Variants in MEGF11 observed in about 807,000 individuals in gnomAD.
MEGF11 encodes multiple EGF like domains 11.
MEGF11 carries 126 observed loss-of-function variants against 146.6 expected under a neutral mutation model. That is an observed-to-expected ratio of 0.86 (90% CI 0.74 to 1.00). MEGF11 has a LOEUF of 1.00. Among genes scored for constraint, MEGF11 ranks in the 50% least tolerant of loss-of-function variants. The probability of loss-of-function intolerance (pLI) is 0.00; values close to 1 mark genes in which losing one functional copy is unlikely to be tolerated. For synonymous variants in MEGF11, 532 were observed against 583.4 expected (o/e 0.91, Z 1.27); for missense variants, 1,509 against 1,521.2 (o/e 0.99, Z 0.13).
intron 1 of MEGF11, among the ~76,000 whole-genome samples, chr15:66,244,094 G>C (rs1014423884): frequency 4.6e-5 from 7 of 152,202 alleles, no homozygotes; most frequent in Non-Finnish European, 7.3e-5. Context: ...CAAAGTTGTT[G>C]TAAGACACAG....
At chr15:66,103,923 G>A (rs181271501) in intron 4 of MEGF11, among the ~76,000 whole-genome samples, 9 of 152,336 alleles carry the variant, frequency 5.9e-5, no homozygotes, top group East Asian at 5.8e-4. Context: ...TTTCACAGCC[G>A]CAGCTTTTTC....
chr15:66,003,476 G>GAAT (rs34510503), intron 5 of MEGF11, among the ~76,000 whole-genome samples: 1 of 151,508 alleles, frequency 6.6e-6, no homozygotes, highest in Non-Finnish European at 1.5e-5. Context: ...GTGGGGAGGA[G>GAAT]ATGGCCTAGG....
At chr15:66,064,171 C>A (rs533254601) in intron 5 of MEGF11, among the ~76,000 whole-genome samples, 102 of 152,268 alleles carry the variant, frequency 6.7e-4, no homozygotes, top group African/African-American at 2.4e-3. Context: ...AGTTCGAGAT[C>A]AGATTGGCCA....
chr15:66,097,652 C>G (rs895060707), intron 4 of MEGF11, among the ~76,000 whole-genome samples: 1 of 150,640 alleles, frequency 6.6e-6, no homozygotes, highest in Non-Finnish European at 1.5e-5. Context: ...CTGGCCCCAC[C>G]AAGAAATATG....
intron 1 of MEGF11, among the ~76,000 whole-genome samples, chr15:66,232,279 T>C (rs999798910): frequency 2.0e-5 from 3 of 152,150 alleles, no homozygotes; most frequent in Admixed American, 2.0e-4. Flanking sequence ...CCCAGACCCA[T>C]AGCTTAACCA....
intron 5 of MEGF11, among the ~76,000 whole-genome samples, chr15:66,060,716 G>A (rs1012544081): frequency 2.0e-5 from 3 of 152,206 alleles, no homozygotes; most frequent in Admixed American, 2.0e-4. Flanking sequence ...GAGCTCCTGA[G>A]GAGAGACCAC....
chr15:65,939,525 C>T (rs112974864), intron 10 of MEGF11, among the ~76,000 whole-genome samples: 9,032 of 146,832 alleles, frequency 0.062, 414 homozygotes, highest in Non-Finnish European at 0.093. Context: ...GACAGAGTCT[C>T]GCTCTGTCGC....
At chr15:66,092,812 G>C (rs1223974374) in intron 5 of MEGF11, among the ~76,000 whole-genome samples, 2 of 152,166 alleles carry the variant, frequency 1.3e-5, no homozygotes, top group African/African-American at 2.4e-5. Context: ...CCTCCAATAG[G>C]CTGCCTTCAG....
At chr15:66,178,335 C>T (rs965702193) in intron 1 of MEGF11, among the ~76,000 whole-genome samples, 1 of 152,148 alleles carries the variant, frequency 6.6e-6, no homozygotes, top group Admixed American at 6.5e-5. Flanking sequence ...AGGAACCAAA[C>T]AGGCCAGAGA....
chr15:66,026,217 CT>C (rs2083326524), intron 5 of MEGF11, among the ~76,000 whole-genome samples: 2 of 152,306 alleles, frequency 1.3e-5, no homozygotes, highest in South Asian at 4.1e-4. Context: ...TGAGAATCAC[CT>C]GGGAGGTCTT....
At chr15:66,117,438 G>A (rs2087785807) in intron 4 of MEGF11, among the ~76,000 whole-genome samples, 1 of 152,090 alleles carries the variant, frequency 6.6e-6, no homozygotes, top group African/African-American at 2.4e-5. Flanking sequence ...AGCAAGACTG[G>A]GCCTCCTGTG....
At chr15:65,921,049 C>T (rs1348051233) in intron 15 of MEGF11, among the ~76,000 whole-genome samples, 1 of 152,200 alleles carries the variant, frequency 6.6e-6, no homozygotes, top group Non-Finnish European at 1.5e-5. Context: ...ACATATGTTT[C>T]TCTGGGGCTC....
chr15:66,030,662 G>A (rs1320714290), intron 5 of MEGF11, among the ~76,000 whole-genome samples: 2 of 152,000 alleles, frequency 1.3e-5, no homozygotes, highest in Non-Finnish European at 2.9e-5. Context: ...TGCCTGCCTC[G>A]GCCTCCCAAA....
intron 1 of MEGF11, among the ~76,000 whole-genome samples, chr15:66,188,047 G>T (rs950822751): frequency 6.6e-6 from 1 of 152,126 alleles, no homozygotes; most frequent in African/African-American, 2.4e-5. Flanking sequence ...GTGCTGGGGG[G>T]AGCCGGAGGA....
intron 10 of MEGF11, among the ~76,000 whole-genome samples, chr15:65,942,974 C>CTTTTTTTTTTT (rs58874869): frequency 2.1e-5 from 1 of 47,620 alleles, no homozygotes; most frequent in Non-Finnish European, 3.5e-5. Flanking sequence ...AACAACTTGG[C>CTTTTTTTTTTT]TTTTTTTTTT....
chr15:66,004,326 G>T (rs1254784949), intron 5 of MEGF11, among the ~76,000 whole-genome samples: 1 of 152,056 alleles, frequency 6.6e-6, no homozygotes, highest in African/African-American at 2.4e-5. Context: ...TCTGGATGAA[G>T]GGTCTTAACA....
At position 65,983,383 on chromosome 15, in the gene MEGF11, A is replaced by T. The variant is rs12102202; in HGVS notation, c.395-895T>A. ...CAGAGAGGTCACCAAGCCTGCTGCC[A>T]CCTCCCACTCTGACCCTCCCCGATG... is the stretch of plus-strand genomic sequence containing the variant. On this transcript the variant is annotated intron_variant, in intron 5 of 25. Transcript: ENST00000395614. Among the ~76,000 whole-genome samples the T allele has an allele frequency of 9.6e-3, 1,458 of 152,206 alleles. 24 individuals carry two copies. Among genetic ancestry groups the T allele is most frequent in the African/African-American group, 0.032 (1,312 of 41,512 alleles).
chr15:65,970,931 A>G (rs2141612181), intron 7 of MEGF11: 2 of 554,714 alleles, frequency 3.6e-6, no homozygotes, highest in South Asian at 4.2e-5. Flanking sequence ...GTGCTGTGTG[A>G]GACACTAGGG....
intron 1 of MEGF11, among the ~76,000 whole-genome samples, chr15:66,128,850 C>T (rs1324982932): frequency 2.6e-5 from 4 of 152,184 alleles, no homozygotes; most frequent in Non-Finnish European, 4.4e-5. Flanking sequence ...TTTCCCTACT[C>T]CCTCCTGCCA....
Sources: allele counts gnomAD v4.1 joint callset (sites outside exome capture counted in the v4.1 genomes callset), GRCh38; gene constraint gnomAD v4.1.1; transcripts MANE v1.5; gene names NCBI Gene and HGNC (gene_info 2026-07-23, HGNC 2026-07-21).